Variants in PALMD observed in about 807,000 individuals in gnomAD.
The protein encoded by PALMD is paralemmin-like protein.
In PALMD, 42 loss-of-function variants were observed where a neutral mutation model predicts 56.2. That is an observed-to-expected ratio of 0.75 (90% CI 0.58 to 0.97). The LOEUF (loss-of-function observed/expected upper bound fraction) is 0.97, where lower values mean the gene tolerates loss of function less well. PALMD is among the 50% of genes least tolerant of loss of function. The probability of loss-of-function intolerance (pLI) is 0.00; values close to 1 mark genes in which losing one functional copy is unlikely to be tolerated. For synonymous variants in PALMD, 242 were observed against 222.9 expected, an observed-to-expected ratio of 1.09 and a Z score of -0.76; for missense variants, 660 against 643.8, an observed-to-expected ratio of 1.03 and a Z score of -0.27.
In PALMD at chr1:99,689,578, A is replaced by C; in HGVS notation, c.1318A>C (p.Ile440Leu). ...KKFLTGYDGIIHAELVVIDDE... is the reference protein window; with the variant it reads ...KKFLTGYDGILHAELVVIDDE... Reference sequence around the variant, plus strand: ...GTTTCTGACAGGATATGATGGGATCATCCATGCTGAGCTGGTTGTGATTGA... The same window carrying C: ...GTTTCTGACAGGATATGATGGGATCCTCCATGCTGAGCTGGTTGTGATTGA... The change falls in exon 7 of 8, where the codon ATC (isoleucine) becomes CTC (leucine). Residue 440 changes from isoleucine to leucine, a missense_variant. Physicochemically the swap from Ile to Leu is conservative, Grantham distance 5. Coordinates refer to ENST00000263174, the MANE Select transcript of PALMD (RefSeq NM_017734.5). 1 of 1,613,862 alleles carries C rather than the reference A, an allele frequency of 6.2e-7. No individual in the cohort carries two copies. The highest frequency in any genetic ancestry group is 8.5e-7 in the Non-Finnish European group (1 of 1,179,856).
At chr1:99,676,967 C>T (rs971721503) in intron 3 of PALMD, among the ~76,000 whole-genome samples, 1 of 152,110 alleles carries the variant, frequency 6.6e-6, no homozygotes, top group Non-Finnish European at 1.5e-5. Flanking sequence ...GTCAAGATAA[C>T]TAAAGTCAAC....
At position 99,693,662 on chromosome 1, in the gene PALMD, G is replaced by T. The variant is rs1653712731; in HGVS notation, c.1613-357G>T. Among the ~76,000 whole-genome samples the T allele has an allele frequency of 1.3e-5, 2 of 152,140 alleles. 1 individual carries two copies. Among genetic ancestry groups the T allele is most frequent in the African/African-American group, 4.8e-5 (2 of 41,434 alleles). ...TAAGTGTAAACACCATTTTATTTTG[G>T]CAGTACATAACTCAGAAATGTATGT... On this transcript the variant is annotated intron_variant, in intron 7 of 7. Transcript: ENST00000263174.
intron 3 of PALMD, among the ~76,000 whole-genome samples, chr1:99,674,237 A>G (rs1479783754): frequency 6.6e-6 from 1 of 152,184 alleles, no homozygotes; most frequent in Admixed American, 6.5e-5. Context: ...GTAGAAATAA[A>G]GATTAAATGG....
At chr1:99,659,366 G>T (rs140256853) in intron 1 of PALMD, among the ~76,000 whole-genome samples, 1 of 152,262 alleles carries the variant, frequency 6.6e-6, no homozygotes, top group East Asian at 1.9e-4. Context: ...TAAAAATCTA[G>T]GTAAATGTCC....
intron 3 of PALMD, among the ~76,000 whole-genome samples, chr1:99,671,053 T>C (rs1351609805): frequency 6.6e-6 from 1 of 152,214 alleles, no homozygotes; most frequent in African/African-American, 2.4e-5. Flanking sequence ...CTGATGAATT[T>C]GAACTAGGGA....
At chr1:99,693,468 C>T (rs1290338392) in intron 7 of PALMD, among the ~76,000 whole-genome samples, 2 of 152,168 alleles carry the variant, frequency 1.3e-5, no homozygotes, top group African/African-American at 4.8e-5. Flanking sequence ...TTAAAACATA[C>T]TTATATCTTG....
intron 3 of PALMD, chr1:99,669,602 T>A (rs1653042122): frequency 6.6e-6 from 1 of 152,284 alleles, no homozygotes; most frequent in South Asian, 2.1e-4. Flanking sequence ...ACTGAACACC[T>A]ACAACTTTCT....
chr1:99,650,285 G>GAAAAAAAAAAA (rs200081370), intron 1 of PALMD, among the ~76,000 whole-genome samples: 2 of 116,994 alleles, frequency 1.7e-5, no homozygotes, highest in Non-Finnish European at 3.4e-5. Flanking sequence ...TGCTCATAAT[G>GAAAAAAAAAAA]AAAAAAAAAA....
At chr1:99,649,683 AC>A (rs1272498132) in intron 1 of PALMD, among the ~76,000 whole-genome samples, 5 of 152,184 alleles carry the variant, frequency 3.3e-5, no homozygotes, top group East Asian at 1.9e-4. Flanking sequence ...ACATTTTCTT[AC>A]CCCCATGCCT....
intron 7 of PALMD, among the ~76,000 whole-genome samples, chr1:99,691,633 T>C (rs1448644583): frequency 1.3e-5 from 2 of 152,184 alleles, no homozygotes; most frequent in Admixed American, 6.6e-5. Context: ...CAGTGTCATA[T>C]GCCCTCACAT....
intron 3 of PALMD, among the ~76,000 whole-genome samples, chr1:99,670,794 C>T (rs1571067184): frequency 6.6e-6 from 1 of 152,084 alleles, no homozygotes; most frequent in South Asian, 2.1e-4. Context: ...TATTAAGCAA[C>T]CTCCCCTACT....
Position 99,662,404 on chromosome 1 carries a change from T to C in PALMD, c.126+5T>C, listed in dbSNP as rs781186599. On this transcript the variant is annotated splice_donor_5th_base_variant and intron_variant, in intron 2 of 7. Transcript: ENST00000263174. The stretch of plus-strand genomic sequence containing the variant: ...CTAAAGCACCAGCATTTGAAGGTAA[T>C]TTATGGCTTTAATTTCATTTCAATG... 4.2e-6 allele frequency: 6 copies of C among 1,414,292 alleles called. No individual in the cohort carries two copies. In the South Asian group the frequency reaches 6.1e-5, roughly 14 times the overall value. The allele number at this position is 1,414,292 out of a possible 1,614,324, so 87.6% of individuals were successfully genotyped here.
chr1:99,689,308 C>T lies in PALMD; in HGVS notation c.1048C>T (p.Pro350Ser). Residue 350 changes from proline (P) to serine (S), a missense_variant, in exon 7 of 8, where the codon CCT (proline) becomes TCT (serine). Coordinates refer to ENST00000263174, the MANE Select transcript of PALMD (RefSeq NM_017734.5). ...CACCCCGCAAAAAAGGCTAATGACT[C>T]CTTGGGAAGAATCGAATGTCATGCA... ...LHTPQKRLMT[P>S]WEESNVMQDK... is the part of the protein sequence containing the mutation. 1.9e-6 allele frequency: 3 copies of T among 1,613,568 alleles called. No individual in the cohort carries two copies. The highest frequency in any genetic ancestry group is 2.5e-6 in the Non-Finnish European group (3 of 1,179,818).
intron 3 of PALMD, among the ~76,000 whole-genome samples, chr1:99,674,066 C>T (rs1653150251): frequency 1.3e-5 from 2 of 152,038 alleles, no homozygotes; most frequent in African/African-American, 2.4e-5. Flanking sequence ...GTAGTAGTGC[C>T]CTGGTTTTTT....
chr1:99,649,352 G>A (rs947871062), intron 1 of PALMD, among the ~76,000 whole-genome samples: 33 of 152,224 alleles, frequency 2.2e-4, no homozygotes, highest in African/African-American at 7.2e-4. Flanking sequence ...ACAAATAGCT[G>A]ATCTTTCTAC....
At chr1:99,686,549 AT>A (rs897960965) in intron 3 of PALMD, 126 bp from the exon 4 acceptor site, 5 of 562,330 alleles carry the variant, frequency 8.9e-6, no homozygotes, top group Admixed American at 7.1e-5. Flanking sequence ...GTGACATTAT[AT>A]TCTTAGAAAG....
chr1:99,691,470 C>T (rs1653650123), intron 7 of PALMD, among the ~76,000 whole-genome samples: 2 of 152,122 alleles, frequency 1.3e-5, no homozygotes, highest in South Asian at 4.1e-4. Context: ...ATACAGAGTT[C>T]TGTATTATCA....
chr1:99,692,762 G>C (rs897487395), intron 7 of PALMD, among the ~76,000 whole-genome samples: 1 of 152,170 alleles, frequency 6.6e-6, no homozygotes, highest in African/African-American at 2.4e-5. Context: ...AAATCCAACA[G>C]TATAAACTTC....
chr1:99,660,633 C>G lies in PALMD; in HGVS notation c.46-1686C>G, dbSNP rs868256533. Among the ~76,000 whole-genome samples the G allele has an allele frequency of 3.8e-5, 4 of 105,580 alleles. No individual in the cohort carries two copies. The Middle Eastern group carries it at 0.019, about 493-fold the overall frequency. The allele number at this position is 105,580 out of a possible 152,430, so 69.3% of individuals were successfully genotyped here. On this transcript the variant is annotated intron_variant, in intron 1 of 7. Transcript: ENST00000263174. ...GATTCTCAAGATCCATGCCTGTTGC[C>G]TAGCTATTTTTTTTTTCAAAAGAAA...
Sources: allele counts gnomAD v4.1 joint callset (sites outside exome capture counted in the v4.1 genomes callset), GRCh38; gene constraint gnomAD v4.1.1; transcripts MANE v1.5; gene names NCBI Gene and HGNC (gene_info 2026-07-23, HGNC 2026-07-21).